IL23R: variants seen among roughly 807,000 people sequenced by gnomAD.
The protein encoded by IL23R is interleukin-23 receptor.
IL23R carries 34 observed loss-of-function variants against 56.9 expected under a neutral mutation model. The ratio of observed to expected loss-of-function variants is 0.60; its 90% CI spans 0.45 to 0.80. The LOEUF (loss-of-function observed/expected upper bound fraction) is 0.80, where lower values mean the gene tolerates loss of function less well. Ranked by LOEUF, IL23R falls within the 30% of genes least tolerant of loss-of-function variation. The pLI is 0.00. For missense variants in IL23R, 635 were observed against 730.0 expected, an observed-to-expected ratio of 0.87 and a Z score of 1.50; for synonymous variants, 230 against 249.2, an observed-to-expected ratio of 0.92 and a Z score of 0.73.
At chr1:67,240,067 C>T (rs529224086) in intron 8 of IL23R, 112 bp from the exon 9 acceptor site, 4 of 811,770 alleles carry the variant, frequency 4.9e-6, no homozygotes, top group East Asian at 2.6e-5. Flanking sequence ...TTGCTTCCCC[C>T]CACCCTTTCT....
At chr1:67,155,856 G>A (rs1180316126) in intron 1 of IL23R, among the ~76,000 whole-genome samples, 1 of 152,182 alleles carries the variant, frequency 6.6e-6, no homozygotes, top group Non-Finnish European at 1.5e-5. Context: ...GTGATCATTT[G>A]GAAGATAAGA....
chr1:67,147,716 A>G (rs1570754337), intron 1 of IL23R, among the ~76,000 whole-genome samples: 1 of 152,232 alleles, frequency 6.6e-6, no homozygotes, highest in Non-Finnish European at 1.5e-5. Context: ...AAAAATAAAA[A>G]GATTGTAGGG....
At chr1:67,163,305 C>A (rs1646839003), upstream of IL23R, among the ~76,000 whole-genome samples, 1 of 151,196 alleles carries the variant, frequency 6.6e-6, no homozygotes, top group Non-Finnish European at 1.5e-5. Context: ...ACCATCTCTA[C>A]AAAATATACA....
chr1:67,170,896 G>A (rs902402709), intron 3 of IL23R, among the ~76,000 whole-genome samples: 1 of 152,156 alleles, frequency 6.6e-6, no homozygotes, highest in Admixed American at 6.5e-5. Context: ...AGCTGATCTT[G>A]CAAGCTTTTC....
rs1304347740 is a variant in IL23R, at chr1:67,228,122, T to G, written c.955+8392T>G. Among the ~76,000 whole-genome samples the G allele has an allele frequency of 6.6e-3, 854 of 130,246 alleles. 17 individuals carry two copies. The highest frequency in any genetic ancestry group is 0.016 in the East Asian group (75 of 4,654). The allele number at this position is 130,246 out of a possible 152,430, so 85.4% of individuals were successfully genotyped here. A position where few individuals can be genotyped will look rare whatever the true frequency, so the allele number is the denominator to read the frequency against. On this transcript the variant is annotated intron_variant, in intron 7 of 10. Transcript: ENST00000347310. Reference sequence around the variant, plus strand: ...TCTTTCTTTCTCTCTCTTTCTTTCTTTCTTTCCTTCTTTCTTTCTGTCTTT... The same window carrying G: ...TCTTTCTTTCTCTCTCTTTCTTTCTGTCTTTCCTTCTTTCTTTCTGTCTTT...
At chr1:67,222,438 G>A (rs1192596345) in intron 7 of IL23R, among the ~76,000 whole-genome samples, 1 of 152,178 alleles carries the variant, frequency 6.6e-6, no homozygotes, top group African/African-American at 2.4e-5. Flanking sequence ...TTCAGTATCA[G>A]TTCTCTTTTT....
chr1:67,265,491 A>T, the IL23R span, among the ~76,000 whole-genome samples: 1 of 152,234 alleles, frequency 6.6e-6, no homozygotes, highest in Admixed American at 6.5e-5. Context: ...TTCACATGTC[A>T]TTATATGTAG....
At chr1:67,169,816 T>C (rs1182092514) in intron 3 of IL23R, among the ~76,000 whole-genome samples, 178 bp downstream of exon 3, 1 of 152,208 alleles carries the variant, frequency 6.6e-6, no homozygotes, top group Non-Finnish European at 1.5e-5. Context: ...ATATGAACTG[T>C]AGCCACTGCC....
At chr1:67,214,947 A>T (rs1190253715) in intron 6 of IL23R, among the ~76,000 whole-genome samples, 1 of 152,024 alleles carries the variant, frequency 6.6e-6, no homozygotes, top group Non-Finnish European at 1.5e-5. Context: ...GATTCCAGAC[A>T]TTGTATAGAA....
At chr1:67,239,903 G>T (rs1651743563) in intron 8 of IL23R, among the ~76,000 whole-genome samples, 1 of 152,148 alleles carries the variant, frequency 6.6e-6, no homozygotes, top group South Asian at 2.1e-4. Context: ...AAATTTGCAT[G>T]CACAAGCCGA....
intron 4 of IL23R, among the ~76,000 whole-genome samples, chr1:67,193,916 T>TC (rs1391777589): frequency 1.3e-5 from 2 of 152,228 alleles, no homozygotes; most frequent in Non-Finnish European, 2.9e-5. Context: ...AAGCCCCAGG[T>TC]CATGACCTGT....
Position 67,169,585 on chromosome 1 carries a change from G to A in IL23R, c.314G>A (p.Cys105Tyr). The A allele has an allele frequency of 6.2e-7, 1 of 1,614,126 alleles. No individual in the cohort carries two copies. The highest frequency in any genetic ancestry group is 1.1e-5 in the South Asian group (1 of 91,084). The change falls in exon 3 of 11, where the codon TGT (cysteine) becomes TAT (tyrosine). Residue 105 changes from cysteine (C) to tyrosine (Y), a missense_variant. Physicochemically the swap from Cys to Tyr is radical, Grantham distance 194 (BLOSUM62 -2). Transcript: ENST00000347310. ...GCTTCTATGTACTGCACTGCTGAATGTCCCAAACATTTTCAAGAGACACTG... is the reference window on the plus strand; with the variant it reads ...GCTTCTATGTACTGCACTGCTGAATATCCCAAACATTTTCAAGAGACACTG... Reference protein sequence around the residue: ...PHASMYCTAECPKHFQETLIC... With the variant: ...PHASMYCTAEYPKHFQETLIC...
At chr1:67,230,769 C>G (rs1008764443) in intron 7 of IL23R, among the ~76,000 whole-genome samples, 14 of 152,154 alleles carry the variant, frequency 9.2e-5, no homozygotes, top group Admixed American at 2.0e-4. Context: ...TTCTGACACA[C>G]CGTTTTCCCT....
intron 1 of IL23R, among the ~76,000 whole-genome samples, chr1:67,150,358 C>T (rs1646717373): frequency 6.7e-6 from 1 of 148,686 alleles, no homozygotes; most frequent in South Asian, 2.1e-4. Context: ...CAACTATCAA[C>T]CCGTCATCTA....
intron 7 of IL23R, among the ~76,000 whole-genome samples, chr1:67,222,352 G>A (rs1020378412): frequency 6.6e-6 from 1 of 151,972 alleles, no homozygotes; most frequent in Admixed American, 6.6e-5. Flanking sequence ...CACGACCTCA[G>A]GTGATCCGCC....
At chr1:67,182,722 A>C in intron 3 of IL23R, 114 bp from the exon 4 acceptor site, 1 of 1,075,228 alleles carries the variant, frequency 9.3e-7, no homozygotes, top group East Asian at 2.4e-5. Context: ...CGTCTTCTGC[A>C]TCATTCACGC....
chr1:67,214,252 C>G (rs1409606557), intron 6 of IL23R, among the ~76,000 whole-genome samples: 1 of 135,988 alleles, frequency 7.4e-6, no homozygotes, highest in Non-Finnish European at 1.6e-5. Context: ...CAAAATATAA[C>G]TAGCTTTTCA....
At chr1:67,217,658 C>G (rs1005513377) in intron 6 of IL23R, among the ~76,000 whole-genome samples, 14 of 150,708 alleles carry the variant, frequency 9.3e-5, no homozygotes, top group African/African-American at 3.2e-4. Flanking sequence ...TTTCCAGGGC[C>G]ATGAATAGAG....
At chr1:67,246,622 T>G (rs1451028424) in intron 9 of IL23R, among the ~76,000 whole-genome samples, 1 of 152,246 alleles carries the variant, frequency 6.6e-6, no homozygotes, top group Non-Finnish European at 1.5e-5. Context: ...TTGTGCAGTT[T>G]TGAGTGAGTT....
Sources: gnomAD v4.1 joint callset for allele counts (sites outside exome capture counted in the v4.1 genomes callset) on GRCh38, gnomAD v4.1.1 for gene constraint, MANE v1.5 for transcripts, NCBI Gene and HGNC (gene_info 2026-07-23, HGNC 2026-07-21) for gene names.